The following LRRC4C variants were observed in gnomAD, a reference collection of about 807,000 sequenced individuals.
LRRC4C encodes leucine-rich repeat-containing protein 4C.
In LRRC4C, 5 loss-of-function variants were observed where a neutral mutation model predicts 33.6. That is an observed-to-expected ratio of 0.15 (90% CI 0.08 to 0.31). LRRC4C has a LOEUF of 0.31. Among genes scored for constraint, LRRC4C ranks in the 10% least tolerant of loss-of-function variants. The probability of loss-of-function intolerance (pLI) is 1.00; values close to 1 mark genes in which losing one functional copy is unlikely to be tolerated. For synonymous variants in LRRC4C, 329 were observed against 302.0 expected (o/e 1.09, Z -0.93); for missense variants, 560 against 796.7 (o/e 0.70, Z 3.58).
intron 2 of LRRC4C, among the ~76,000 whole-genome samples, chr11:40,869,572 T>C (rs1167858293): frequency 6.6e-6 from 1 of 152,006 alleles, no homozygotes; most frequent in Non-Finnish European, 1.5e-5. Context: ...AAAATGGCAG[T>C]TTAACTGGTA....
At chr11:40,432,391 A>C (rs1418493919) in intron 3 of LRRC4C, among the ~76,000 whole-genome samples, 1 of 152,194 alleles carries the variant, frequency 6.6e-6, no homozygotes, top group Non-Finnish European at 1.5e-5. Context: ...GTTCTGTGCC[A>C]CAATGTAATA....
At chr11:41,416,826 A>C (rs1954699706) in intron 1 of LRRC4C, among the ~76,000 whole-genome samples, 1 of 152,034 alleles carries the variant, frequency 6.6e-6, no homozygotes, top group Admixed American at 6.6e-5. Flanking sequence ...AAACGCATCA[A>C]AAGTACTCGA....
At chr11:40,979,067 G>A (rs946607272) in intron 1 of LRRC4C, among the ~76,000 whole-genome samples, 4 of 152,034 alleles carry the variant, frequency 2.6e-5, no homozygotes, top group African/African-American at 9.7e-5. Context: ...CCTCTGACCT[G>A]TAACCCTTGA....
At chr11:40,847,378 C>T (rs757877307) in intron 2 of LRRC4C, among the ~76,000 whole-genome samples, 11 of 152,026 alleles carry the variant, frequency 7.2e-5, no homozygotes, top group South Asian at 4.2e-4. Context: ...TTTTATTGAA[C>T]GCCTTTTCTG....
chr11:41,105,018 A>G (rs79741873), intron 1 of LRRC4C, among the ~76,000 whole-genome samples: 1,706 of 152,100 alleles, frequency 0.011, 40 homozygotes, highest in African/African-American at 0.039. Flanking sequence ...CGATGGACAT[A>G]TCACTGTAAA....
intron 1 of LRRC4C, among the ~76,000 whole-genome samples, chr11:41,135,912 T>G (rs964421584): frequency 1.8e-4 from 27 of 152,310 alleles, no homozygotes; most frequent in African/African-American, 6.3e-4. Context: ...GAATTAGATC[T>G]GGTTCCATGA....
At chr11:40,796,635 CTTTTTTTT>C (rs1188389556) in intron 2 of LRRC4C, among the ~76,000 whole-genome samples, 2 of 104,904 alleles carry the variant, frequency 1.9e-5, no homozygotes, top group African/African-American at 7.6e-5. Context: ...AAGCAGAACT[CTTTTTTTT>C]TTTTTTTTTT....
At chr11:40,661,171 T>C (rs1943413582) in intron 2 of LRRC4C, among the ~76,000 whole-genome samples, 1 of 151,868 alleles carries the variant, frequency 6.6e-6, no homozygotes, top group African/African-American at 2.4e-5. Context: ...AATAAAAATG[T>C]GTTAATATAT....
chr11:40,841,197 A>C (rs990557833), intron 2 of LRRC4C, among the ~76,000 whole-genome samples: 5 of 152,304 alleles, frequency 3.3e-5, no homozygotes, highest in African/African-American at 1.2e-4. Context: ...AAATGGAGTA[A>C]TCTTCATTAT....
chr11:40,547,882 C>T lies in LRRC4C; in HGVS notation c.-270+100260G>A, dbSNP rs1956987515. ...AAAACATAAGATAACATTCAGCAAA[C>T]ATTTATTGAGCATCTACTACGTGCC... On this transcript the variant is annotated intron_variant, in intron 3 of 6. Transcript: ENST00000528697. 2.0e-5 allele frequency among the ~76,000 whole-genome samples: 3 copies of T among 152,078 alleles called. No individual in the cohort carries two copies. The South Asian group carries it at 6.2e-4, about 31-fold the overall frequency.
chr11:40,898,366 A>AAAAAAAAAAAAGG (rs1554991246), intron 2 of LRRC4C, among the ~76,000 whole-genome samples: 2 of 117,374 alleles, frequency 1.7e-5, no homozygotes, highest in East Asian at 5.2e-4. Flanking sequence ...AAAAAAAAAA[A>AAAAAAAAAAAAGG]AAAAAAGAAA....
At chr11:40,170,323 A>C (rs945794385) in intron 5 of LRRC4C, among the ~76,000 whole-genome samples, 1 of 152,230 alleles carries the variant, frequency 6.6e-6, no homozygotes, top group Non-Finnish European at 1.5e-5. Flanking sequence ...CGTGGTAAAC[A>C]AAAAGGCAGA....
intron 4 of LRRC4C, among the ~76,000 whole-genome samples, chr11:40,268,889 C>G (rs189617262): frequency 1.7e-4 from 26 of 152,180 alleles, no homozygotes; most frequent in African/African-American, 5.8e-4. Context: ...GACTGAGAAC[C>G]GCCAGTCTAG....
chr11:40,620,836 A>G (rs1253055996), intron 3 of LRRC4C, among the ~76,000 whole-genome samples: 1 of 151,846 alleles, frequency 6.6e-6, no homozygotes, highest in Non-Finnish European at 1.5e-5. Flanking sequence ...GGGAAAGTAC[A>G]ATAATATCTG....
At chr11:41,096,076 A>T (rs1416263245) in intron 1 of LRRC4C, among the ~76,000 whole-genome samples, 1 of 152,194 alleles carries the variant, frequency 6.6e-6, no homozygotes, top group Non-Finnish European at 1.5e-5. Context: ...CAAAAAAATA[A>T]GATATAGTAT....
At chr11:41,157,976 A>G (rs934247775) in intron 1 of LRRC4C, among the ~76,000 whole-genome samples, 11 of 152,178 alleles carry the variant, frequency 7.2e-5, no homozygotes, top group Admixed American at 5.2e-4. Context: ...GTGCTACCAA[A>G]TACTAGCTCT....
intron 3 of LRRC4C, among the ~76,000 whole-genome samples, chr11:40,619,388 G>A (rs956448171): frequency 1.3e-5 from 2 of 151,602 alleles, no homozygotes; most frequent in Admixed American, 6.6e-5. Context: ...TTGCATGCCT[G>A]TACCAAAACA....
intron 1 of LRRC4C, among the ~76,000 whole-genome samples, chr11:41,065,176 C>T (rs7115895): frequency 0.44 from 66,608 of 151,784 alleles, 14,799 homozygotes; most frequent in East Asian, 0.55. Flanking sequence ...CCACTGTCAG[C>T]GCAGCAGTCT....
rs551109564 is a variant in LRRC4C at position 40,999,721 on chromosome 11, C to A, written c.-495-65998G>T. On this transcript the variant is annotated intron_variant, in intron 1 of 6. Transcript: ENST00000528697. ...GCTGGACACTATGTGAGTGAGAAAACACATGGCAACAAGCAATGAAAATAT... is the reference window on the plus strand; with the variant it reads ...GCTGGACACTATGTGAGTGAGAAAAAACATGGCAACAAGCAATGAAAATAT... Among the ~76,000 whole-genome samples, 11 of 152,158 alleles carry A rather than the reference C, an allele frequency of 7.2e-5. No homozygotes were observed. In the East Asian group the frequency reaches 2.1e-3, roughly 29 times the overall value.
Sources: allele counts gnomAD v4.1 joint callset (sites outside exome capture counted in the v4.1 genomes callset), GRCh38; gene constraint gnomAD v4.1.1; transcripts MANE v1.5; gene names NCBI Gene and HGNC (gene_info 2026-07-23, HGNC 2026-07-21).